The following PDE11A variants were observed in gnomAD, a reference collection of about 807,000 sequenced individuals.
PDE11A encodes phosphodiesterase 11A.
In PDE11A, 100 loss-of-function variants were observed where a neutral mutation model predicts 100.5. That is an observed-to-expected ratio of 1.00 (90% CI 0.85 to 1.18). The LOEUF (loss-of-function observed/expected upper bound fraction) is 1.18, where lower values mean the gene tolerates loss of function less well. Among genes scored for constraint, PDE11A ranks in the 50% most tolerant of loss-of-function variants. PDE11A has a pLI of 0.00. For missense variants in PDE11A, 1,141 were observed against 1,152.6 expected, an observed-to-expected ratio of 0.99 and a Z score of 0.15; for synonymous variants, 381 against 420.8, an observed-to-expected ratio of 0.91 and a Z score of 1.16.
chr2:177,697,053 TA>T (rs1410170599), intron 15 of PDE11A, among the ~76,000 whole-genome samples: 2 of 152,186 alleles, frequency 1.3e-5, no homozygotes, highest in Non-Finnish European at 2.9e-5. Flanking sequence ...GGATCTAAGA[TA>T]AAAATGGCCA....
At chr2:177,738,818 G>A (rs2081831698) in intron 10 of PDE11A, among the ~76,000 whole-genome samples, 1 of 152,208 alleles carries the variant, frequency 6.6e-6, no homozygotes. Context: ...GAAAAAGAAG[G>A]AAGATAATGA....
At chr2:178,047,376 T>C (rs1286930071) in intron 1 of PDE11A, among the ~76,000 whole-genome samples, 1 of 150,708 alleles carries the variant, frequency 6.6e-6, no homozygotes. Context: ...GGCAGGAGAA[T>C]AGCTTGAACC....
chr2:177,777,666 A>G (rs1166216032), intron 9 of PDE11A, among the ~76,000 whole-genome samples: 2 of 152,232 alleles, frequency 1.3e-5, no homozygotes, highest in Middle Eastern at 3.2e-3. Flanking sequence ...AATGCATTAT[A>G]ATAGTTTTGA....
At position 177,630,004 on chromosome 2, in the gene PDE11A, G is replaced by A. The variant is rs1050097049; in HGVS notation, c.2647-442C>T. Among the ~76,000 whole-genome samples, 80 of 152,342 alleles carry A rather than the reference G, an allele frequency of 5.3e-4. 2 individuals carry two copies. The highest frequency in any genetic ancestry group is 5.1e-4 in the Non-Finnish European group (35 of 68,034). Reference sequence around the variant, plus strand: ...ATTGCTTTACCATAGATGACTCTGGGTGGACTTACTTGAATAGGAAAGGTC... The same window carrying A: ...ATTGCTTTACCATAGATGACTCTGGATGGACTTACTTGAATAGGAAAGGTC... On this transcript the variant is annotated intron_variant, in intron 19 of 19. Transcript: ENST00000286063.
chr2:177,815,766 C>T (rs2083028155), intron 9 of PDE11A, among the ~76,000 whole-genome samples: 1 of 152,142 alleles, frequency 6.6e-6, no homozygotes, highest in Non-Finnish European at 1.5e-5. Context: ...ATCAATTTGC[C>T]TACTTCTTAT....
chr2:178,056,257 A>T (rs2086897987), intron 1 of PDE11A, among the ~76,000 whole-genome samples: 1 of 152,182 alleles, frequency 6.6e-6, no homozygotes, highest in South Asian at 2.1e-4. Context: ...TTTTCTGTAT[A>T]CAAAAGAAAG....
At chr2:177,813,007 T>C (rs2082972883) in intron 9 of PDE11A, among the ~76,000 whole-genome samples, 1 of 152,238 alleles carries the variant, frequency 6.6e-6, no homozygotes, top group Non-Finnish European at 1.5e-5. Flanking sequence ...AGGTGGGGAC[T>C]TAAGGCAGAA....
At chr2:178,071,444 T>C in intron 1 of PDE11A, 82 bp downstream of exon 1, 1 of 1,585,080 alleles carries the variant, frequency 6.3e-7, no homozygotes, top group Non-Finnish European at 8.6e-7. Flanking sequence ...AATTAATGTG[T>C]TCCTGGATGC....
At chr2:178,014,984 T>C (rs2086317753) in intron 1 of PDE11A, among the ~76,000 whole-genome samples, 1 of 152,144 alleles carries the variant, frequency 6.6e-6, no homozygotes, top group South Asian at 2.1e-4. Flanking sequence ...CTAAAATATA[T>C]AAAATAAATG....
chr2:178,096,169 C>CTTTTTTTTTTTTTTTTTTTTTTTTT lies in PDE11A; in HGVS notation c.162+8132_162+8133insAAAAAAAAAAAAAAAAAAAAAAAAA, dbSNP rs71010857. The stretch of plus-strand genomic sequence containing the variant: ...AGAAAACAGGTTTTTCTTTTCTTTT[C>CTTTTTTTTTTTTTTTTTTTTTTTTT]TTTTTTTTTTTTGAGATGGAGTCTC... On this transcript the variant is annotated intron_variant, in intron 2 of 20. Coordinates refer to the PDE11A transcript ENST00000358450. Among the ~76,000 whole-genome samples, 53 of 120,118 alleles carry CTTTTTTTTTTTTTTTTTTTTTTTTT rather than the reference C, an allele frequency of 4.4e-4. 7 individuals carry two copies. The highest frequency in any genetic ancestry group is 1.6e-3 in the African/African-American group (50 of 30,998). The allele number at this position is 120,118 out of a possible 152,430, so 78.8% of individuals were successfully genotyped here.
rs2080188592 is a variant in PDE11A at position 177,644,303 on chromosome 2, A to G, written c.2647-14741T>C. On this transcript the variant is annotated intron_variant, in intron 19 of 19. Transcript: ENST00000286063. ...CAGGGGCAGAGCTTCCCAAGACCAC[A>G]GGAACCTACCTCTTGCATTAGCATA... Among the ~76,000 whole-genome samples the G allele has an allele frequency of 2.0e-5, 3 of 152,260 alleles. No homozygotes were observed. In the South Asian group the frequency reaches 6.2e-4, roughly 31 times the overall value.
intron 10 of PDE11A, among the ~76,000 whole-genome samples, chr2:177,728,996 G>A (rs2081643820): frequency 6.6e-6 from 1 of 152,112 alleles, no homozygotes. Context: ...TGGTAAGGGA[G>A]TCACTTTTAT....
intron 6 of PDE11A, among the ~76,000 whole-genome samples, chr2:177,829,547 A>G (rs6760949): frequency 0.82 from 123,839 of 151,268 alleles, 50,968 homozygotes; most frequent in East Asian, 0.98. Context: ...GAGTTCAAGC[A>G]ATTCTCCTGC....
At chr2:177,670,973 C>G (rs1479313309) in intron 17 of PDE11A, among the ~76,000 whole-genome samples, 3 of 152,148 alleles carry the variant, frequency 2.0e-5, no homozygotes, top group Admixed American at 2.0e-4. Context: ...CACTTGTCTC[C>G]TCTCCAGTCT....
chr2:177,912,300 T>G (rs2105744130), intron 2 of PDE11A, among the ~76,000 whole-genome samples: 1 of 152,248 alleles, frequency 6.6e-6, no homozygotes, highest in East Asian at 1.9e-4. Context: ...CCAGGGAGGT[T>G]GGAATGAGCT....
chr2:177,663,356 C>A (rs2080511870), intron 19 of PDE11A, among the ~76,000 whole-genome samples: 1 of 150,538 alleles, frequency 6.6e-6, no homozygotes, highest in South Asian at 2.1e-4. Flanking sequence ...TCACAAAACC[C>A]CCTGTATCAG....
At chr2:178,084,518 C>T (rs1211146851) in intron 2 of PDE11A, among the ~76,000 whole-genome samples, 7 of 152,156 alleles carry the variant, frequency 4.6e-5, no homozygotes, top group East Asian at 1.9e-4. Flanking sequence ...GTAAGAAATG[C>T]TGATGGTTTC....
chr2:177,838,330 TTCTG>T (rs1296708595), intron 6 of PDE11A, among the ~76,000 whole-genome samples: 19 of 152,214 alleles, frequency 1.2e-4, no homozygotes, highest in South Asian at 4.1e-4. Context: ...CTAGATTTTC[TTCTG>T]TCTGTCTACA....
intron 2 of PDE11A, among the ~76,000 whole-genome samples, chr2:178,004,762 C>G (rs1053922209): frequency 2.6e-5 from 4 of 151,178 alleles, no homozygotes; most frequent in Non-Finnish European, 5.9e-5. Context: ...AGCAAGCTCT[C>G]CTTACCCCCC....
Sources: gnomAD v4.1 joint callset for allele counts (sites outside exome capture counted in the v4.1 genomes callset) on GRCh38, gnomAD v4.1.1 for gene constraint, MANE v1.5 for transcripts, NCBI Gene and HGNC (gene_info 2026-07-23, HGNC 2026-07-21) for gene names.